Variants in TOLLIP observed in about 807,000 individuals in gnomAD.
TOLLIP encodes toll interacting protein.
TOLLIP carries 16 observed loss-of-function variants against 33.5 expected under a neutral mutation model. The ratio of observed to expected loss-of-function variants is 0.48; its 90% CI spans 0.32 to 0.72. The LOEUF is 0.72. Among genes scored for constraint, TOLLIP ranks in the 30% least tolerant of loss-of-function variants. The pLI is 0.03. For synonymous variants in TOLLIP, 176 were observed against 163.7 expected (o/e 1.07, Z -0.57); for missense variants, 325 against 396.6 (o/e 0.82, Z 1.53).
Position 1,277,346 on chromosome 11 carries a change from C to T in TOLLIP, c.611-93G>A, listed in dbSNP as rs930962132. The T allele has an allele frequency of 9.2e-6, 10 of 1,091,530 alleles. No individual in the cohort carries two copies. The highest frequency in any genetic ancestry group is 3.0e-5 in the Admixed American group (1 of 33,168). The allele number at this position is 1,091,530 out of a possible 1,614,324, so 67.6% of individuals were successfully genotyped here. A position where few individuals can be genotyped will look rare whatever the true frequency, so the allele number is the denominator to read the frequency against. On this transcript the variant is annotated intron_variant, in intron 5 of 5. Coordinates refer to ENST00000317204, the MANE Select transcript of TOLLIP (RefSeq NM_019009.4). This position sits in a 1 kb window ranked among gnomAD's most constrained non-coding sequence, Gnocchi z 4.2. ...GAAGGAAGAAAACAACGCATCCCAC[C>T]GGCCTCCCTGAGGAAGGGGCCACCT...
chr11:1,298,682 T>C (rs1048363609), intron 1 of TOLLIP: 1 of 152,258 alleles, frequency 6.6e-6, no homozygotes, highest in Non-Finnish European at 1.5e-5. Context: ...ACCGTGTGGA[T>C]AGAACACGAA....
In TOLLIP at chr11:1,276,840, C is replaced by T. The variant is rs767253596; in HGVS notation, c.*199G>A. On this transcript the variant is annotated 3_prime_UTR_variant, in exon 6 of 6. Coordinates refer to ENST00000317204, the MANE Select transcript of TOLLIP (RefSeq NM_019009.4). ...TCCCAGCACGAGATGGGAGGGGAGCCCCCGCCCCGTCCTGGACCGCCAGGA... is the reference window on the plus strand; with the variant it reads ...TCCCAGCACGAGATGGGAGGGGAGCTCCCGCCCCGTCCTGGACCGCCAGGA... 57 of 1,532,236 alleles carry T rather than the reference C, an allele frequency of 3.7e-5. No individual in the cohort carries two copies. Among genetic ancestry groups the T allele is most frequent in the Non-Finnish European group, 1.0e-5 (12 of 1,144,894 alleles). 94.9% of individuals were successfully genotyped at this position (1,532,236 alleles called of 1,614,324 possible). A position where few individuals can be genotyped will look rare whatever the true frequency, so the allele number is the denominator to read the frequency against.
chr11:1,276,559 G>C lies in TOLLIP; in HGVS notation c.*480C>G. On this transcript the variant is annotated 3_prime_UTR_variant, in exon 6 of 6. Transcript: ENST00000317204. ...GCAGGGGCCAGGCTCACAGCAAAGCGCGTTAGGGCAAGGGCGTGAGTTTTC... is the reference window on the plus strand; with the variant it reads ...GCAGGGGCCAGGCTCACAGCAAAGCCCGTTAGGGCAAGGGCGTGAGTTTTC... 2.4e-6 allele frequency: 2 copies of C among 816,536 alleles called. No homozygotes were observed. Among genetic ancestry groups the C allele is most frequent in the Non-Finnish European group, 3.4e-6 (2 of 580,172 alleles). 50.6% of individuals were successfully genotyped at this position (816,536 alleles called of 1,614,324 possible).
intron 5 of TOLLIP, 21 bp downstream of exon 5, chr11:1,285,981 C>A (rs1319125750): frequency 2.5e-6 from 4 of 1,574,486 alleles, no homozygotes; most frequent in Non-Finnish European, 3.4e-6. Context: ...GGAGAGGCAC[C>A]CAGGGAGGGA....
At chr11:1,296,157 C>T (rs1171942686) in intron 1 of TOLLIP, among the ~76,000 whole-genome samples, 3 of 152,382 alleles carry the variant, frequency 2.0e-5, no homozygotes, top group African/African-American at 7.2e-5. Flanking sequence ...CAGCTAAAGG[C>T]AGGGCCACTG....
At chr11:1,306,563 T>C (rs964996615) in intron 1 of TOLLIP, among the ~76,000 whole-genome samples, 2 of 152,076 alleles carry the variant, frequency 1.3e-5, no homozygotes, top group Non-Finnish European at 2.9e-5. Flanking sequence ...TGATAAATAC[T>C]GTGTCAAGAC....
chr11:1,282,597 C>T (rs57827674), intron 5 of TOLLIP, among the ~76,000 whole-genome samples: 6,317 of 150,508 alleles, frequency 0.042, 123 homozygotes, highest in Middle Eastern at 0.1. Flanking sequence ...GCACGTTGTG[C>T]ACATGTACCC....
At chr11:1,306,205 C>T (rs980945276) in intron 1 of TOLLIP, 1 of 152,212 alleles carries the variant, frequency 6.6e-6, no homozygotes, top group African/African-American at 2.4e-5. Flanking sequence ...AACCATTATC[C>T]TGAAGATCTA....
intron 4 of TOLLIP, 76 bp from the exon 5 acceptor site, chr11:1,286,168 A>T: frequency 8.7e-7 from 1 of 1,154,972 alleles, no homozygotes; most frequent in Admixed American, 2.1e-5. Flanking sequence ...CGCCCTCCCC[A>T]CAATTGCCCT....
chr11:1,293,744 G>C (rs1197646354), intron 2 of TOLLIP, among the ~76,000 whole-genome samples: 1 of 152,262 alleles, frequency 6.6e-6, no homozygotes, highest in Admixed American at 6.5e-5. Context: ...TCTGGAGCTT[G>C]AACTGTGTGA....
At chr11:1,299,467 G>T (rs1372836122) in intron 1 of TOLLIP, among the ~76,000 whole-genome samples, 3 of 152,158 alleles carry the variant, frequency 2.0e-5, no homozygotes, top group Non-Finnish European at 4.4e-5. Flanking sequence ...ACGACACTCG[G>T]TCCTTCAGTA....
intron 2 of TOLLIP, chr11:1,292,287 C>A (rs1373917129): frequency 6.6e-6 from 1 of 152,232 alleles, no homozygotes; most frequent in Admixed American, 6.5e-5. Flanking sequence ...CTGAGACCAG[C>A]ATGATTTTCC....
chr11:1,287,534 AG>A (rs2133897120), intron 4 of TOLLIP, among the ~76,000 whole-genome samples: 1 of 12,196 alleles, frequency 8.2e-5, no homozygotes, highest in East Asian at 1.2e-3. Flanking sequence ...TCCCCGCCGC[AG>A]CCTCACCGCC....
rs1864531830 is a variant in TOLLIP at position 1,309,537 on chromosome 11, T to A, written c.-39A>T. The A allele has an allele frequency of 1.6e-6, 2 of 1,265,096 alleles. No individual in the cohort carries two copies. The highest frequency in any genetic ancestry group is 2.0e-6 in the Non-Finnish European group (2 of 993,986). The allele number at this position is 1,265,096 out of a possible 1,614,324, so 78.4% of individuals were successfully genotyped here. ...CCCCCGTGGCTCGCCGACCCGACAG[T>A]GACGCGCCGGGCGACCTCCTGCGCC... On this transcript the variant is annotated 5_prime_UTR_variant, in exon 1 of 6. Coordinates refer to ENST00000317204, the MANE Select transcript of TOLLIP (RefSeq NM_019009.4).
chr11:1,309,028 A>T (rs956657801), intron 1 of TOLLIP, among the ~76,000 whole-genome samples: 1 of 146,642 alleles, frequency 6.8e-6, no homozygotes, highest in African/African-American at 2.6e-5. Flanking sequence ...CACCTGGGGG[A>T]CCATTAGGGT....
At position 1,275,143 on chromosome 11, in the gene TOLLIP, T is replaced by C. The variant is rs946979545; in HGVS notation, c.*1896A>G. The C allele has an allele frequency of 1.3e-5, 2 of 152,200 alleles. No individual in the cohort carries two copies. The highest frequency in any genetic ancestry group is 4.8e-5 in the African/African-American group (2 of 41,456). The allele number at this position is 152,200 out of a possible 1,614,324, so 9.4% of individuals were successfully genotyped here. ...TCCCTCCAGCGAGGCTGGCCCCCAC[T>C]GTGTGGGTCCCTCGGGCCCCCACAC... is the stretch of plus-strand genomic sequence containing the variant. On this transcript the variant is annotated 3_prime_UTR_variant, in exon 6 of 6. Transcript: ENST00000317204.
At position 1,277,347 on chromosome 11, in the gene TOLLIP, G is replaced by T. The variant is rs568701008; in HGVS notation, c.611-94C>A. 1.8e-6 allele frequency: 2 copies of T among 1,087,176 alleles called. No individual in the cohort carries two copies. Among genetic ancestry groups the T allele is most frequent in the South Asian group, 3.3e-5 (2 of 59,702 alleles). The allele number at this position is 1,087,176 out of a possible 1,614,324, so 67.3% of individuals were successfully genotyped here. ...AAGGAAGAAAACAACGCATCCCACC[G>T]GCCTCCCTGAGGAAGGGGCCACCTC... On this transcript the variant is annotated intron_variant, in intron 5 of 5. Coordinates refer to ENST00000317204, the MANE Select transcript of TOLLIP (RefSeq NM_019009.4). This position sits in a 1 kb window ranked among gnomAD's most constrained non-coding sequence, Gnocchi z 4.2.
intron 5 of TOLLIP, among the ~76,000 whole-genome samples, chr11:1,280,188 C>G (rs1465200153): frequency 6.6e-6 from 1 of 152,254 alleles, no homozygotes; most frequent in Non-Finnish European, 1.5e-5. Flanking sequence ...TGCTGCTCAG[C>G]TGCAAACTCC....
At position 1,276,329 on chromosome 11, in the gene TOLLIP, G is replaced by A. The variant is rs905451716; in HGVS notation, c.*710C>T. 5.1e-5 allele frequency: 11 copies of A among 217,124 alleles called. No individual in the cohort carries two copies. The highest frequency in any genetic ancestry group is 1.1e-4 in the Admixed American group (2 of 19,026). 13.4% of individuals were successfully genotyped at this position (217,124 alleles called of 1,614,324 possible). On this transcript the variant is annotated 3_prime_UTR_variant, in exon 6 of 6. Coordinates refer to ENST00000317204, the MANE Select transcript of TOLLIP (RefSeq NM_019009.4). The stretch of plus-strand genomic sequence containing the variant: ...GCAGCCTCCGGCGGGCGAAGGACCC[G>A]GCTTCAGATGCCCGCTGGCTGGCAA...
Sources: gnomAD v4.1 joint callset for allele counts (sites outside exome capture counted in the v4.1 genomes callset) on GRCh38, gnomAD v4.1.1 for gene constraint, Gnocchi (gnomAD v3.1) non-coding constraint, MANE v1.5 for transcripts, NCBI Gene and HGNC (gene_info 2026-07-23, HGNC 2026-07-21) for gene names.